GSE1: variants seen among roughly 807,000 people sequenced by gnomAD.
GSE1 encodes the protein genetic suppressor element 1.
A neutral mutation model predicts 112.6 loss-of-function variants in GSE1; 32 were observed. That is an observed-to-expected ratio of 0.28 (90% CI 0.21 to 0.38). GSE1 has a LOEUF of 0.38. Ranked by LOEUF, GSE1 falls within the 10% of genes least tolerant of loss-of-function variation. The pLI is 1.00. For synonymous variants in GSE1, 1,115 were observed against 735.6 expected, an observed-to-expected ratio of 1.52 and a Z score of -8.35; for missense variants, 2,348 against 1,699.2, an observed-to-expected ratio of 1.38 and a Z score of -6.71.
At position 85,240,059 on chromosome 16, in the gene GSE1, C is replaced by T. The variant is rs142226640; in HGVS notation, c.2283+68252C>T. On this transcript the variant is annotated intron_variant, in intron 1 of 2. Transcript: ENST00000637419. ...GAGTGAGCCTGCAGCCCTGTGGCGC[C>T]GCCAGTGCGTGGCTTTAAGCAAGTT... 2.2e-3 allele frequency among the ~76,000 whole-genome samples: 335 copies of T among 152,354 alleles called. 4 individuals are homozygous for T. The highest frequency in any genetic ancestry group is 7.6e-3 in the African/African-American group (318 of 41,590).
At chr16:85,609,179 C>G (rs1598363622), upstream of GSE1, among the ~76,000 whole-genome samples, 1 of 152,216 alleles carries the variant, frequency 6.6e-6, no homozygotes, top group Non-Finnish European at 1.5e-5. Context: ...TCCTTGCTGC[C>G]TTGAAGTGTC....
chr16:85,376,253 C>G (rs189658632), intron 2 of GSE1, among the ~76,000 whole-genome samples: 2 of 152,234 alleles, frequency 1.3e-5, no homozygotes, highest in Non-Finnish European at 2.9e-5. Context: ...ACAGGCACAT[C>G]TGAGCCTGAG....
At chr16:85,612,315 GC>G (rs2048045062), upstream of GSE1, among the ~76,000 whole-genome samples, 1 of 151,998 alleles carries the variant, frequency 6.6e-6, no homozygotes, top group Non-Finnish European at 1.5e-5. Flanking sequence ...CCCTCTCCGC[GC>G]CGCCTGTGGG....
intron 2 of GSE1, among the ~76,000 whole-genome samples, chr16:85,487,853 G>T (rs1030825037): frequency 6.6e-6 from 1 of 152,218 alleles, no homozygotes; most frequent in Non-Finnish European, 1.5e-5. Context: ...GCCTCAGTTG[G>T]TGGTCCCTCA....
intron 1 of GSE1, among the ~76,000 whole-genome samples, chr16:85,336,971 CAT>C (rs1318323377): frequency 6.7e-6 from 1 of 148,742 alleles, no homozygotes; most frequent in Non-Finnish European, 1.5e-5. Flanking sequence ...CATAGGCACA[CAT>C]ATACATGGGC....
intron 1 of GSE1, among the ~76,000 whole-genome samples, chr16:85,251,077 G>C (rs1906421731): frequency 6.6e-6 from 1 of 152,184 alleles, no homozygotes; most frequent in Non-Finnish European, 1.5e-5. Flanking sequence ...TGGATGTTTG[G>C]GCTGCTCCCA....
chr16:85,247,141 C>T (rs1165734942), intron 1 of GSE1, among the ~76,000 whole-genome samples: 3 of 152,246 alleles, frequency 2.0e-5, no homozygotes, highest in South Asian at 2.1e-4. Flanking sequence ...TCTGTTTCCA[C>T]CCAGGCTCTC....
upstream of GSE1, among the ~76,000 whole-genome samples, chr16:85,610,584 G>C (rs2047924644): frequency 6.6e-6 from 1 of 152,236 alleles, no homozygotes; most frequent in African/African-American, 2.4e-5. Context: ...CGGGGGCCGG[G>C]CGCACTGACA....
At chr16:85,357,269 G>A (rs2046969311) in intron 1 of GSE1, among the ~76,000 whole-genome samples, 1 of 152,208 alleles carries the variant, frequency 6.6e-6, no homozygotes, top group South Asian at 2.1e-4. Flanking sequence ...GGCTTGCTGG[G>A]CAAGGAAGAC....
At chr16:85,176,330 C>G (rs2074463770) in intron 1 of GSE1, among the ~76,000 whole-genome samples, 1 of 152,216 alleles carries the variant, frequency 6.6e-6, no homozygotes, top group South Asian at 2.1e-4. Context: ...GTGTGCCCAC[C>G]CCTCCTTGCC....
intron 3 of GSE1, among the ~76,000 whole-genome samples, chr16:85,649,718 C>G (rs536359788): frequency 6.6e-6 from 1 of 152,218 alleles, no homozygotes; most frequent in Non-Finnish European, 1.5e-5. Context: ...CTGGACTTTT[C>G]TGCTGAGTTC....
chr16:85,558,230 A>G (rs1413136954), intron 1 of GSE1, among the ~76,000 whole-genome samples: 2 of 152,174 alleles, frequency 1.3e-5, no homozygotes, highest in Non-Finnish European at 2.9e-5. Context: ...ACAGATCCTC[A>G]TGCTGTATCT....
At chr16:85,645,343 C>T (rs951562481) in intron 2 of GSE1, among the ~76,000 whole-genome samples, 2 of 152,096 alleles carry the variant, frequency 1.3e-5, no homozygotes, top group African/African-American at 4.8e-5. Context: ...GAACGTGCCT[C>T]TGGGCCGCTC....
chr16:85,215,643 CTGT>C (rs2075295844), intron 1 of GSE1, among the ~76,000 whole-genome samples: 1 of 152,222 alleles, frequency 6.6e-6, no homozygotes, highest in African/African-American at 2.4e-5. Flanking sequence ...TGACACGCGG[CTGT>C]TGTTTGTTCA....
chr16:85,605,308 G>A (rs2047654422), intron 1 of GSE1, among the ~76,000 whole-genome samples: 1 of 151,982 alleles, frequency 6.6e-6, no homozygotes, highest in African/African-American at 2.4e-5. Context: ...GGAGAAAAGA[G>A]TTCCGCTGCT....
chr16:85,258,846 C>T (rs1002907560), intron 1 of GSE1, among the ~76,000 whole-genome samples: 7 of 152,198 alleles, frequency 4.6e-5, no homozygotes, highest in Non-Finnish European at 7.3e-5. Context: ...AGCCTGACCT[C>T]GCCCTCTCCC....
At chr16:85,175,532 C>T (rs34692806) in intron 1 of GSE1, among the ~76,000 whole-genome samples, 20,350 of 152,254 alleles carry the variant, frequency 0.13, 1,842 homozygotes, top group East Asian at 0.46. Context: ...GCGCCTGGCT[C>T]GCAGTGGGGT....
rs1050391163 is a variant in GSE1, at chr16:85,219,850, C to G, written c.2283+48043C>G. Reference sequence around the variant, plus strand: ...ACCAAGGGCCCCCAAGCCGACGTCTCTTTGTTTCTGGCCTGGGCCAGGGAA... The same window carrying G: ...ACCAAGGGCCCCCAAGCCGACGTCTGTTTGTTTCTGGCCTGGGCCAGGGAA... On this transcript the variant is annotated intron_variant, in intron 1 of 2. Coordinates refer to the GSE1 transcript ENST00000637419. 5.3e-5 allele frequency among the ~76,000 whole-genome samples: 8 copies of G among 152,356 alleles called. No homozygotes were observed. The East Asian group carries it at 1.4e-3, about 26-fold the overall frequency.
In GSE1 at chr16:85,451,286, G is replaced by C. The variant is rs759791415; in HGVS notation, c.2464+93643G>C. 5.3e-5 allele frequency among the ~76,000 whole-genome samples: 8 copies of C among 152,260 alleles called. No individual in the cohort carries two copies. The East Asian group carries it at 9.7e-4, about 18-fold the overall frequency. The stretch of plus-strand genomic sequence containing the variant: ...CCCCACCTCCAGCCCCTGCACCCAC[G>C]GGTCTGTTTTCTGACTTGATTGTTT... On this transcript the variant is annotated intron_variant, in intron 2 of 2. Coordinates refer to the GSE1 transcript ENST00000637419.
Sources: allele counts gnomAD v4.1 joint callset (sites outside exome capture counted in the v4.1 genomes callset), GRCh38; gene constraint gnomAD v4.1.1; transcripts MANE v1.5; gene names NCBI Gene and HGNC (gene_info 2026-07-23, HGNC 2026-07-21).